The following IL1R2 variants were observed in gnomAD, a reference collection of about 807,000 sequenced individuals.
IL1R2 encodes the protein interleukin-1 receptor type 2.
A neutral mutation model predicts 39.5 loss-of-function variants in IL1R2; 46 were observed. That is an observed-to-expected ratio of 1.16 (90% CI 0.92 to 1.49). IL1R2 has a LOEUF of 1.49. IL1R2 is among the 40% of genes most tolerant of loss of function. IL1R2 has a pLI of 0.00. For synonymous variants in IL1R2, 207 were observed against 189.6 expected, an observed-to-expected ratio of 1.09 and a Z score of -0.75; for missense variants, 537 against 502.0, an observed-to-expected ratio of 1.07 and a Z score of -0.67.
At chr2:102,008,859 C>CA (rs763395048) in intron 2 of IL1R2, among the ~76,000 whole-genome samples, 12,860 of 58,020 alleles carry the variant, frequency 0.22, 1,050 homozygotes, top group East Asian at 0.41. Flanking sequence ...CACGTCTCTA[C>CA]AAAAAAAAAA....
chr2:101,995,977 G>A (rs779296591), intron 1 of IL1R2, among the ~76,000 whole-genome samples: 33 of 152,172 alleles, frequency 2.2e-4, no homozygotes, highest in Non-Finnish European at 4.4e-4. Context: ...TGACTGTGCC[G>A]TGCTGGCAGC....
chr2:102,026,231 A>G lies in IL1R2; in HGVS notation c.1008A>G (p.Thr336=), dbSNP rs2150465026. ...TCCATAATACCCTGAGTTTTCAGAC[A>G]CTACGCACCACAGTCAAGGAAGGTA... is the stretch of plus-strand genomic sequence containing the variant. ...CVVHNTLSFQ[T]LRTTVKEASS... is the part of the protein sequence containing the mutation. Residue 336 remains threonine, a synonymous_variant, in exon 8 of 9, where the codon ACA becomes ACG. Transcript: ENST00000332549. 2 of 1,611,852 alleles carry G rather than the reference A, an allele frequency of 1.2e-6. No individual in the cohort carries two copies. Among genetic ancestry groups the G allele is most frequent in the Non-Finnish European group, 1.7e-6 (2 of 1,179,130 alleles).
At chr2:101,993,806 G>A (rs1675458242) in intron 1 of IL1R2, among the ~76,000 whole-genome samples, 5 of 152,292 alleles carry the variant, frequency 3.3e-5, no homozygotes, top group African/African-American at 9.6e-5. Flanking sequence ...TCTGCTGTAA[G>A]ATCTTTGTCA....
intron 1 of IL1R2, chr2:101,999,030 A>G (rs1188884581): frequency 6.6e-6 from 1 of 152,338 alleles, no homozygotes; most frequent in East Asian, 1.9e-4. Context: ...CACCTCTGGA[A>G]AATACATTCT....
chr2:102,020,257 AT>A (rs1677292977), intron 5 of IL1R2, among the ~76,000 whole-genome samples: 1 of 152,184 alleles, frequency 6.6e-6, no homozygotes, highest in Non-Finnish European at 1.5e-5. Flanking sequence ...ATTGCCTTTT[AT>A]TTGTCTTCCC....
Position 102,015,940 on chromosome 2 carries a change from G to C in IL1R2, c.402G>C (p.Pro134=). The C allele has an allele frequency of 6.2e-7, 1 of 1,613,710 alleles. No homozygotes were observed. The highest frequency in any genetic ancestry group is 8.5e-7 in the Non-Finnish European group (1 of 1,179,796). The change falls in exon 4 of 9, where the codon CCG becomes CCC. Residue 134 remains proline (P), a synonymous_variant. Coordinates refer to ENST00000332549, the MANE Select transcript of IL1R2 (RefSeq NM_004633.4). ...RVFENTDAFL[P]FISYPQILTL... The stretch of plus-strand genomic sequence containing the variant: ...TTGAGAATACAGATGCTTTCCTGCC[G>C]TTCATCTCATACCCGCAAATTTTAA...
Position 102,009,653 on chromosome 2 carries a change from G to T in IL1R2, c.159G>T (p.Val53=). ...CTGTAGCCCTGAGGTGCCCCCAGGT[G>T]CCCTACTGGTTGTGGGCCTCTGTCA... ...GEPVALRCPQ[V]PYWLWASVSP... The change falls in exon 3 of 9, where the codon GTG becomes GTT. Residue 53 remains valine (V), a synonymous_variant. Transcript: ENST00000332549. The T allele has an allele frequency of 6.2e-7, 1 of 1,614,210 alleles. No homozygotes were observed. Among genetic ancestry groups the T allele is most frequent in the Non-Finnish European group, 8.5e-7 (1 of 1,180,030 alleles).
At chr2:102,024,730 G>A in intron 7 of IL1R2, 62 bp downstream of exon 7, 2 of 1,607,408 alleles carry the variant, frequency 1.2e-6, no homozygotes, top group South Asian at 1.1e-5. Flanking sequence ...TTTGGAGACA[G>A]TTATCACTAT....
chr2:102,004,409 T>C (rs1676136274), intron 1 of IL1R2, among the ~76,000 whole-genome samples: 1 of 151,976 alleles, frequency 6.6e-6, no homozygotes, highest in Non-Finnish European at 1.5e-5. Context: ...CACACATTTT[T>C]GTCTTTTTCT....
intron 3 of IL1R2, among the ~76,000 whole-genome samples, chr2:102,013,214 A>G (rs1399078727): frequency 1.3e-5 from 2 of 152,170 alleles, no homozygotes; most frequent in South Asian, 2.1e-4. Flanking sequence ...ATCCCAGTGT[A>G]TGTCAAACTT....
chr2:102,002,975 T>G (rs1316197532), intron 1 of IL1R2, among the ~76,000 whole-genome samples: 1 of 151,962 alleles, frequency 6.6e-6, no homozygotes, highest in African/African-American at 2.4e-5. Flanking sequence ...TGTGTTTGTG[T>G]CTGTGTCTGT....
chr2:102,006,302 TAA>T (rs1676256693), intron 1 of IL1R2, among the ~76,000 whole-genome samples: 1 of 152,104 alleles, frequency 6.6e-6, no homozygotes, highest in South Asian at 2.1e-4. Flanking sequence ...TGGTTAGGGG[TAA>T]AGTCACAGGA....
intron 1 of IL1R2, among the ~76,000 whole-genome samples, chr2:102,000,908 C>T (rs1675824790): frequency 6.6e-6 from 1 of 152,194 alleles, no homozygotes; most frequent in Non-Finnish European, 1.5e-5. Flanking sequence ...ATTCCTCTTA[C>T]ACAAATACCA....
chr2:102,006,618 C>G (rs1676277720), intron 1 of IL1R2, among the ~76,000 whole-genome samples: 1 of 152,190 alleles, frequency 6.6e-6, no homozygotes, highest in African/African-American at 2.4e-5. Flanking sequence ...AATTTTTCCC[C>G]TGGATTCATT....
chr2:102,009,933 TC>T (rs1234496900), intron 3 of IL1R2, 107 bp downstream of exon 3: 22 of 1,276,588 alleles, frequency 1.7e-5, no homozygotes, highest in East Asian at 2.3e-5. Context: ...AAAATACAAA[TC>T]CAGTGAATCC....
At chr2:102,028,124 A>C (rs1376212241) in intron 8 of IL1R2, 102 bp from the exon 9 acceptor site, 1 of 1,020,470 alleles carries the variant, frequency 9.8e-7, no homozygotes, top group East Asian at 2.7e-5. Flanking sequence ...ATCAAGAAAA[A>C]CAAACTCCAA....
rs1453370250 is a variant in IL1R2 at position 102,009,586 on chromosome 2, G to A, written c.92G>A (p.Arg31His). Residue 31 changes from arginine to histidine, a missense_variant, in exon 3 of 9, where the codon CGT becomes CAT. Physicochemically the swap from Arg to His is conservative, Grantham distance 29. Transcript: ENST00000332549. ...GGGGCTGCCAGAAGCTGCCGGTTTC[G>A]TGGGAGGCATTACAAGCGGGAGTTC... ...HTGAARSCRFRGRHYKREFRL... is the reference protein window; with the variant it reads ...HTGAARSCRFHGRHYKREFRL... 8.1e-6 allele frequency: 13 copies of A among 1,614,082 alleles called. No homozygotes were observed. The highest frequency in any genetic ancestry group is 1.6e-4 in the Middle Eastern group (1 of 6,062).
At position 102,019,826 on chromosome 2, in the gene IL1R2, A is replaced by T; in HGVS notation, c.688+14A>T. The T allele has an allele frequency of 6.2e-7, 1 of 1,607,118 alleles. No homozygotes were observed. The highest frequency in any genetic ancestry group is 8.5e-7 in the Non-Finnish European group (1 of 1,175,376). The stretch of plus-strand genomic sequence containing the variant: ...TACGCATCAAGAGTAAGTACTTGCC[A>T]TTGAGGCACCTATCTATCCTGGTTC... On this transcript the variant is annotated intron_variant, in intron 5 of 8. Coordinates refer to ENST00000332549, the MANE Select transcript of IL1R2 (RefSeq NM_004633.4).
chr2:102,022,139 A>C, intron 5 of IL1R2, 48 bp from the exon 6 acceptor site: 2 of 1,494,704 alleles, frequency 1.3e-6, no homozygotes, highest in Non-Finnish European at 1.9e-6. Context: ...CCACAGCGTC[A>C]AATGAAGGCT....
Sources: gnomAD v4.1 joint callset for allele counts (sites outside exome capture counted in the v4.1 genomes callset) on GRCh38, gnomAD v4.1.1 for gene constraint, MANE v1.5 for transcripts, NCBI Gene and HGNC (gene_info 2026-07-23, HGNC 2026-07-21) for gene names.